Variants in ADAMTS19 observed in about 807,000 individuals in gnomAD.
ADAMTS19 encodes the protein A disintegrin and metalloproteinase with thrombospondin motifs 19.
In ADAMTS19, 93 loss-of-function variants were observed where a neutral mutation model predicts 153.3. The observed-to-expected ratio is 0.61, with a 90% confidence interval of 0.51 to 0.72. The LOEUF (loss-of-function observed/expected upper bound fraction) is 0.72, where lower values mean the gene tolerates loss of function less well. ADAMTS19 is among the 30% of genes least tolerant of loss of function. The pLI is 0.00. For missense variants in ADAMTS19, 1,482 were observed against 1,552.1 expected (o/e 0.95, Z 0.76); for synonymous variants, 600 against 556.6 (o/e 1.08, Z -1.10).
chr5:129,648,992 C>G, intron 13 of ADAMTS19, 22 bp downstream of exon 13: 1 of 1,542,986 alleles, frequency 6.5e-7, no homozygotes, highest in Non-Finnish European at 8.8e-7. Context: ...CAGATCACCA[C>G]CATCTTTGTT....
chr5:129,500,598 A>G (rs1307531705), intron 2 of ADAMTS19: 1 of 152,076 alleles, frequency 6.6e-6, no homozygotes, highest in Non-Finnish European at 1.5e-5. Flanking sequence ...CTTTGTTTTA[A>G]TTGCAAAATA....
intron 3 of ADAMTS19, among the ~76,000 whole-genome samples, chr5:129,520,608 A>G (rs757781181): frequency 6.6e-6 from 1 of 152,190 alleles, no homozygotes; most frequent in Non-Finnish European, 1.5e-5. Context: ...ATAATTATTC[A>G]GAGTCTTACT....
At chr5:129,486,716 C>T (rs60247406) in intron 2 of ADAMTS19, among the ~76,000 whole-genome samples, 1,978 of 151,760 alleles carry the variant, frequency 0.013, 40 homozygotes, top group African/African-American at 0.045. Context: ...TTCAACATTG[C>T]AATGAAGATT....
intron 7 of ADAMTS19, among the ~76,000 whole-genome samples, chr5:129,585,847 T>C (rs1464422271): frequency 6.6e-6 from 1 of 152,250 alleles, no homozygotes; most frequent in East Asian, 1.9e-4. Context: ...TGCAGACACC[T>C]GTCAGCTTTA....
chr5:129,544,254 C>A (rs1299692681), intron 6 of ADAMTS19, among the ~76,000 whole-genome samples: 1 of 152,190 alleles, frequency 6.6e-6, no homozygotes, highest in Non-Finnish European at 1.5e-5. Flanking sequence ...GTAAAATAAT[C>A]CCCACTTGTT....
chr5:129,674,124 A>T (rs1462727345), intron 16 of ADAMTS19, among the ~76,000 whole-genome samples: 1 of 151,934 alleles, frequency 6.6e-6, no homozygotes, highest in Non-Finnish European at 1.5e-5. Flanking sequence ...CCAGCTACTC[A>T]GGAGGCTGAG....
chr5:129,704,473 A>G (rs1756055712), intron 21 of ADAMTS19, 82 bp downstream of exon 21: 2 of 1,471,898 alleles, frequency 1.4e-6, no homozygotes, highest in Non-Finnish European at 9.2e-7. Context: ...CATAGCATGG[A>G]GTTTAGGAGG....
At chr5:129,543,052 T>TG (rs1752713328) in intron 6 of ADAMTS19, among the ~76,000 whole-genome samples, 2 of 151,250 alleles carry the variant, frequency 1.3e-5, no homozygotes, top group Admixed American at 6.6e-5. Flanking sequence ...TGTTTTGTTT[T>TG]TTTTTTTTTA....
chr5:129,533,690 G>T (rs973525686), intron 6 of ADAMTS19, among the ~76,000 whole-genome samples: 1 of 151,902 alleles, frequency 6.6e-6, no homozygotes, highest in Non-Finnish European at 1.5e-5. Context: ...TGATGTTAGG[G>T]TGTCAATTTT....
At chr5:129,671,263 T>C (rs1214131680) in intron 16 of ADAMTS19, among the ~76,000 whole-genome samples, 1 of 152,100 alleles carries the variant, frequency 6.6e-6, no homozygotes, top group African/African-American at 2.4e-5. Context: ...GTTGAACTGA[T>C]GGAACTTGCT....
chr5:129,649,115 C>G, intron 13 of ADAMTS19, 145 bp downstream of exon 13: 1 of 727,834 alleles, frequency 1.4e-6, no homozygotes, highest in Non-Finnish European at 2.2e-6. Context: ...CATATAATAA[C>G]CACAAGCACT....
chr5:129,573,187 T>C (rs953674497), intron 7 of ADAMTS19, among the ~76,000 whole-genome samples: 2 of 152,026 alleles, frequency 1.3e-5, no homozygotes, highest in Non-Finnish European at 2.9e-5. Flanking sequence ...TTAATTGACA[T>C]TAACATACTG....
At chr5:129,709,912 T>C (rs1486181906) in intron 21 of ADAMTS19, among the ~76,000 whole-genome samples, 1 of 152,168 alleles carries the variant, frequency 6.6e-6, no homozygotes, top group African/African-American at 2.4e-5. Context: ...AGTAAATTAA[T>C]AGGCTGTAGG....
chr5:129,543,887 T>C (rs1309030586), intron 6 of ADAMTS19, among the ~76,000 whole-genome samples: 2 of 152,206 alleles, frequency 1.3e-5, no homozygotes, highest in African/African-American at 4.8e-5. Flanking sequence ...AACTAGAGAA[T>C]GGTAAATGTA....
In ADAMTS19 at chr5:129,514,156, A is replaced by G. The variant is rs534211237; in HGVS notation, c.913+4914A>G. Among the ~76,000 whole-genome samples, 131 of 151,268 alleles carry G rather than the reference A, an allele frequency of 8.7e-4. 1 individual carries two copies. The East Asian group carries it at 0.021, about 25-fold the overall frequency. On this transcript the variant is annotated intron_variant, in intron 3 of 22. Coordinates refer to ENST00000274487, the MANE Select transcript of ADAMTS19 (RefSeq NM_133638.6). ...TGTGGCTGAATAATATTTCATTTGTATAAGTACCACATTTTCTTTATCAGT... is the reference window on the plus strand; with the variant it reads ...TGTGGCTGAATAATATTTCATTTGTGTAAGTACCACATTTTCTTTATCAGT...
chr5:129,537,576 C>A (rs1752492044), intron 6 of ADAMTS19, among the ~76,000 whole-genome samples: 2 of 152,232 alleles, frequency 1.3e-5, no homozygotes, highest in South Asian at 4.1e-4. Context: ...CACATCTACA[C>A]CATGGAATAC....
intron 9 of ADAMTS19, among the ~76,000 whole-genome samples, 179 bp from the exon 10 acceptor site, chr5:129,622,019 G>A (rs758842004): frequency 1.3e-5 from 2 of 152,016 alleles, no homozygotes; most frequent in East Asian, 1.9e-4. Context: ...TATTTATTAC[G>A]ATTATCTTCA....
intron 10 of ADAMTS19, among the ~76,000 whole-genome samples, chr5:129,632,362 T>G (rs116205052): frequency 0.13 from 19,021 of 150,998 alleles, 1,380 homozygotes; most frequent in East Asian, 0.31. Flanking sequence ...TATATATAGA[T>G]ATAGATATAA....
Position 129,735,119 on chromosome 5 carries a change from C to CAAAA in ADAMTS19, c.3490+17_3490+20dup. On this transcript the variant is annotated intron_variant, in intron 22 of 22. Coordinates refer to ENST00000274487, the MANE Select transcript of ADAMTS19 (RefSeq NM_133638.6). ...ACATCACCCAGACTGGGTAAGCAGA[C>CAAAA]AAAAAAAAAAGATGCTTTTGAAAAA... is the stretch of plus-strand genomic sequence containing the variant. 7.6e-7 allele frequency: 1 copy of CAAAA among 1,322,116 alleles called. No homozygotes were observed. The allele number at this position is 1,322,116 out of a possible 1,614,324, so 81.9% of individuals were successfully genotyped here.
Sources: allele counts gnomAD v4.1 joint callset (sites outside exome capture counted in the v4.1 genomes callset), GRCh38; gene constraint gnomAD v4.1.1; transcripts MANE v1.5; gene names NCBI Gene and HGNC (gene_info 2026-07-23, HGNC 2026-07-21).